Variants in BLTP3A observed in about 807,000 individuals in gnomAD.
The protein encoded by BLTP3A is ICBP90 binding protein 1.
At chr6:34,818,445 G>A in the BLTP3A span, among the ~76,000 whole-genome samples, 8,913 of 151,814 alleles carry the variant, frequency 0.059, 514 homozygotes, top group East Asian at 0.33. Flanking sequence ...CTCCAGCCTG[G>A]GTGACAGGGT....
chr6:34,821,073 C>T, the BLTP3A span, among the ~76,000 whole-genome samples: 2 of 151,920 alleles, frequency 1.3e-5, no homozygotes, highest in Admixed American at 6.6e-5. Flanking sequence ...TCTCCTGCCT[C>T]AGCCTCTGGA....
At chr6:34,814,782 G>A in the BLTP3A span, among the ~76,000 whole-genome samples, 3 of 152,130 alleles carry the variant, frequency 2.0e-5, no homozygotes, top group Non-Finnish European at 4.4e-5. Flanking sequence ...TTTTGATGGA[G>A]TTACACTATT....
chr6:34,793,023 T>C, the BLTP3A span, among the ~76,000 whole-genome samples: 1 of 152,218 alleles, frequency 6.6e-6, no homozygotes, highest in East Asian at 1.9e-4. Flanking sequence ...GAGTTGGGGA[T>C]AAAGTTTCCG....
the BLTP3A span, chr6:34,871,903 C>G: frequency 6.2e-7 from 1 of 1,614,154 alleles, no homozygotes; most frequent in Non-Finnish European, 8.5e-7. Context: ...TTGGTGCCCA[C>G]AGGAGAGGTT....
the BLTP3A span, chr6:34,822,034 A>G: frequency 1.9e-6 from 3 of 1,559,198 alleles, no homozygotes; most frequent in Non-Finnish European, 2.6e-6. Flanking sequence ...AGAAAATGAT[A>G]GGCTAACCCT....
the BLTP3A span, among the ~76,000 whole-genome samples, chr6:34,844,903 G>T: frequency 2.0e-5 from 3 of 152,264 alleles, no homozygotes; most frequent in Admixed American, 2.0e-4. Flanking sequence ...TGTACCTTGG[G>T]AGCATTACTC....
chr6:34,816,393 C>T, the BLTP3A span, among the ~76,000 whole-genome samples: 2 of 51,500 alleles, frequency 3.9e-5, no homozygotes, highest in Admixed American at 1.5e-4. Flanking sequence ...TTGCTTGAGC[C>T]GAGCCCAGAA....
chr6:34,858,805 C>T, the BLTP3A span: 11 of 1,614,092 alleles, frequency 6.8e-6, no homozygotes, highest in Non-Finnish European at 9.3e-6. Context: ...AGCAGATGTT[C>T]ATATGCTTGT....
the BLTP3A span, chr6:34,834,143 T>G: frequency 5.6e-6 from 8 of 1,433,578 alleles, no homozygotes; most frequent in Non-Finnish European, 6.7e-6. Flanking sequence ...ATAAAATAAT[T>G]TAAACATCTA....
the BLTP3A span, among the ~76,000 whole-genome samples, chr6:34,838,530 A>G: frequency 6.6e-6 from 1 of 152,226 alleles, no homozygotes; most frequent in Non-Finnish European, 1.5e-5. Flanking sequence ...CTCCAAACCA[A>G]TAAGATAGAA....
At chr6:34,852,106 T>C in the BLTP3A span, among the ~76,000 whole-genome samples, 1 of 152,012 alleles carries the variant, frequency 6.6e-6, no homozygotes, top group East Asian at 1.9e-4. Flanking sequence ...GCCTGCTTTG[T>C]ACCCTACCCC....
At chr6:34,797,821 T>A in the BLTP3A span, among the ~76,000 whole-genome samples, 1 of 152,222 alleles carries the variant, frequency 6.6e-6, no homozygotes, top group Non-Finnish European at 1.5e-5. Flanking sequence ...ATTAGGCATA[T>A]TTTATAGATG....
chr6:34,859,180 G>T, the BLTP3A span: 1 of 1,614,162 alleles, frequency 6.2e-7, no homozygotes, highest in Admixed American at 1.7e-5. Flanking sequence ...TGAAAATCAG[G>T]ATGTATCCCA....
chr6:34,792,126 T>TGGCAGC, the BLTP3A span: 1 of 709,718 alleles, frequency 1.4e-6, no homozygotes. Context: ...GAAAGCGCCA[T>TGGCAGC]GGCGGCGGCG....
chr6:34,854,399 T>G, the BLTP3A span, among the ~76,000 whole-genome samples: 68,724 of 151,892 alleles, frequency 0.45, 17,521 homozygotes, highest in African/African-American at 0.7. Flanking sequence ...AAATATAGTT[T>G]TGAAGTTAAA....
At chr6:34,854,614 A>G in the BLTP3A span, among the ~76,000 whole-genome samples, 1 of 152,198 alleles carries the variant, frequency 6.6e-6, no homozygotes, top group African/African-American at 2.4e-5. Flanking sequence ...AAAGTATCTT[A>G]AAAGCCTACT....
At chr6:34,821,890 C>G in the BLTP3A span, 3 of 1,614,190 alleles carry the variant, frequency 1.9e-6, no homozygotes, top group South Asian at 3.3e-5. Flanking sequence ...GCTACCACAG[C>G]CCTGAGACTT....
At chr6:34,859,650 T>C in the BLTP3A span, 1 of 1,557,758 alleles carries the variant, frequency 6.4e-7, no homozygotes, top group Non-Finnish European at 8.7e-7. Context: ...CCTCTTACTA[T>C]GTGCATTTCT....
chr6:34,864,834 G>A, the BLTP3A span, among the ~76,000 whole-genome samples: 75 of 152,100 alleles, frequency 4.9e-4, 1 homozygote, highest in Admixed American at 6.5e-5. Context: ...TGGGCTTAGC[G>A]GCAGGTGCTT....
Sources: gnomAD v4.1 joint callset for allele counts (sites outside exome capture counted in the v4.1 genomes callset) on GRCh38, gnomAD v4.1.1 for gene constraint, MANE v1.5 for transcripts, NCBI Gene and HGNC (gene_info 2026-07-23, HGNC 2026-07-21) for gene names.